CEP112: variants seen among roughly 807,000 people sequenced by gnomAD.
The protein encoded by CEP112 is centrosomal protein 112, also known as centrosomal protein of 112 kDa.
CEP112 carries 127 observed loss-of-function variants against 153.0 expected under a neutral mutation model. The ratio of observed to expected loss-of-function variants is 0.83; its 90% CI spans 0.72 to 0.96. The LOEUF is 0.96. Among genes scored for constraint, CEP112 ranks in the 40% least tolerant of loss-of-function variants. The pLI is 0.00. For synonymous variants in CEP112, 358 were observed against 374.4 expected (o/e 0.96, Z 0.51); for missense variants, 1,089 against 1,101.2 (o/e 0.99, Z 0.16).
intron 25 of CEP112, among the ~76,000 whole-genome samples, chr17:65,638,420 G>A (rs1389185505): frequency 6.6e-6 from 1 of 152,138 alleles, no homozygotes; most frequent in South Asian, 2.1e-4. Flanking sequence ...CCATGGCAAC[G>A]GTTGATCCCG....
chr17:65,728,814 AGTGAGTGAGTG>A (rs2050331086), intron 23 of CEP112, among the ~76,000 whole-genome samples: 1 of 152,180 alleles, frequency 6.6e-6, no homozygotes, highest in Non-Finnish European at 1.5e-5. Context: ...CTTGTGAGTC[AGTGAGTGAGTG>A]GTGAGTGAAT....
chr17:66,005,655 T>C (rs2064242834), intron 17 of CEP112, 35 bp downstream of exon 17: 2 of 1,591,560 alleles, frequency 1.3e-6, no homozygotes, highest in African/African-American at 1.4e-5. Flanking sequence ...TAATAAAGGG[T>C]AGTTTTAAAT....
At chr17:65,865,367 C>T (rs1438976046) in intron 20 of CEP112, among the ~76,000 whole-genome samples, 1 of 152,100 alleles carries the variant, frequency 6.6e-6, no homozygotes, top group Non-Finnish European at 1.5e-5. Flanking sequence ...AGTTGGTGTG[C>T]ATGGCTCGTA....
At chr17:65,863,085 T>A (rs2058361247) in intron 20 of CEP112, among the ~76,000 whole-genome samples, 1 of 152,216 alleles carries the variant, frequency 6.6e-6, no homozygotes, top group Admixed American at 6.5e-5. Context: ...TTAAATCATA[T>A]GAAATGTATC....
intron 22 of CEP112, among the ~76,000 whole-genome samples, chr17:65,744,061 C>A: frequency 6.6e-6 from 1 of 152,064 alleles, no homozygotes; most frequent in Non-Finnish European, 1.5e-5. Flanking sequence ...CTGTGCCCGG[C>A]CTGCCTATCT....
In CEP112 at chr17:65,971,557, TG is replaced by T. The variant is rs1382247846; in HGVS notation, c.1737-9960del. Among the ~76,000 whole-genome samples the T allele has an allele frequency of 2.6e-5, 4 of 152,048 alleles. No homozygotes were observed. In the East Asian group the frequency reaches 7.7e-4, roughly 29 times the overall value. On this transcript the variant is annotated intron_variant, in intron 17 of 26. Transcript: ENST00000535342. ...AAATGTATGTTGCATGTATGTTACA[TG>T]TGTGTTGTATGTATATGGCATGTAT...
At chr17:65,986,054 T>C (rs773695669) in intron 17 of CEP112, among the ~76,000 whole-genome samples, 1 of 151,974 alleles carries the variant, frequency 6.6e-6, no homozygotes, top group Non-Finnish European at 1.5e-5. Context: ...TCAAAAAGAA[T>C]CCTATCAAAA....
At chr17:65,666,527 G>C (rs963432897) in intron 24 of CEP112, among the ~76,000 whole-genome samples, 10 of 152,134 alleles carry the variant, frequency 6.6e-5, no homozygotes, top group African/African-American at 2.4e-4. Flanking sequence ...AAGACAAAAA[G>C]TTTAGTTATT....
intron 23 of CEP112, among the ~76,000 whole-genome samples, chr17:65,706,325 G>A (rs2048911718): frequency 6.6e-6 from 1 of 152,200 alleles, no homozygotes; most frequent in Non-Finnish European, 1.5e-5. Context: ...TAAATACAAG[G>A]AAAATGGGGG....
chr17:65,837,265 T>A (rs113070025), intron 21 of CEP112, among the ~76,000 whole-genome samples: 1,561 of 148,696 alleles, frequency 0.01, 32 homozygotes, highest in African/African-American at 0.037. Context: ...TGGCCGCCCA[T>A]CGTCTGGGAT....
intron 17 of CEP112, among the ~76,000 whole-genome samples, chr17:65,971,388 T>C (rs1384848132): frequency 1.3e-5 from 1 of 74,986 alleles, no homozygotes; most frequent in Non-Finnish European, 2.8e-5. Context: ...ACATTGCATG[T>C]ATATAGCATG....
At position 65,755,778 on chromosome 17, in the gene CEP112, G is replaced by A. The variant is rs117536869; in HGVS notation, c.2395-5054C>T. Among the ~76,000 whole-genome samples, 13 of 152,066 alleles carry A rather than the reference G, an allele frequency of 8.5e-5. No individual in the cohort carries two copies. The East Asian group carries it at 2.5e-3, about 29-fold the overall frequency. ...ATTACCTAACATGGGAAAAGTTACA[G>A]GTGAAATAGGGTTTGCAGAGAAGTT... On this transcript the variant is annotated intron_variant, in intron 21 of 26. Coordinates refer to ENST00000535342, the MANE Select transcript of CEP112 (RefSeq NM_001199165.4).
intron 16 of CEP112, among the ~76,000 whole-genome samples, chr17:66,014,758 T>G (rs1431945356): frequency 6.6e-6 from 1 of 152,180 alleles, no homozygotes; most frequent in African/African-American, 2.4e-5. Flanking sequence ...GATTCCCAGC[T>G]TCCTCCCCTT....
intron 20 of CEP112, among the ~76,000 whole-genome samples, chr17:65,884,708 TTTTTTTTTTTC>T (rs1453233360): frequency 2.7e-5 from 4 of 149,302 alleles, no homozygotes; most frequent in African/African-American, 9.8e-5. Context: ...TGTAGTTTCT[TTTTTTTTTTTC>T]TTTTTTTTTT....
intron 23 of CEP112, among the ~76,000 whole-genome samples, chr17:65,739,158 A>G (rs1252596527): frequency 2.0e-5 from 3 of 152,186 alleles, no homozygotes; most frequent in African/African-American, 7.2e-5. Context: ...AGACATTCCA[A>G]CCCCAGCCAA....
Position 65,743,071 on chromosome 17 carries a change from G to A in CEP112, c.2604C>T (p.Ile868=), listed in dbSNP as rs747349387. The change falls in exon 23 of 27, where the codon ATC becomes ATT. Residue 868 remains isoleucine (I), a synonymous_variant. Coordinates refer to ENST00000535342, the MANE Select transcript of CEP112 (RefSeq NM_001199165.4). The stretch of plus-strand genomic sequence containing the variant: ...GTTACTGAAGTCTTCAGATTACCTT[G>A]ATTGCTTGGTCATTATCTCTAATCA... ...KQLIRDNDQA[I]KVLQDELENR... 4 of 1,605,926 alleles carry A rather than the reference G, an allele frequency of 2.5e-6. No individual in the cohort carries two copies. The highest frequency in any genetic ancestry group is 1.9e-4 in the Middle Eastern group (1 of 5,170).
intron 19 of CEP112, among the ~76,000 whole-genome samples, chr17:65,906,240 G>A (rs922685192): frequency 1.3e-5 from 2 of 150,292 alleles, no homozygotes; most frequent in African/African-American, 4.9e-5. Flanking sequence ...ACACAGGGAG[G>A]GGAACATCAC....
At chr17:65,845,041 C>T (rs1461271519) in intron 21 of CEP112, among the ~76,000 whole-genome samples, 8 of 148,450 alleles carry the variant, frequency 5.4e-5, no homozygotes, top group Middle Eastern at 3.8e-3. Context: ...TATCAAAGGC[C>T]GGATGAGGTG....
At chr17:65,673,885 C>CT (rs1045966397) in intron 24 of CEP112, among the ~76,000 whole-genome samples, 27 of 152,048 alleles carry the variant, frequency 1.8e-4, no homozygotes, top group African/African-American at 6.0e-4. Flanking sequence ...AATAAACTTT[C>CT]TTTTTTTTGG....
Sources: allele counts gnomAD v4.1 joint callset (sites outside exome capture counted in the v4.1 genomes callset), GRCh38; gene constraint gnomAD v4.1.1; transcripts MANE v1.5; gene names NCBI Gene and HGNC (gene_info 2026-07-23, HGNC 2026-07-21).